Variants in NFATC1 observed in about 807,000 individuals in gnomAD.
NFATC1 encodes nuclear factor of activated T-cells, cytoplasmic 1.
Under a neutral mutation model 76.0 loss-of-function variants are expected in NFATC1, and 22 were observed. The ratio of observed to expected loss-of-function variants is 0.29; its 90% CI spans 0.21 to 0.41. NFATC1 has a LOEUF of 0.41. NFATC1 is among the 10% of genes least tolerant of loss of function. The probability of loss-of-function intolerance (pLI) is 1.00; values close to 1 mark genes in which losing one functional copy is unlikely to be tolerated. For missense variants in NFATC1, 1,357 were observed against 1,337.7 expected (o/e 1.01, Z -0.23); for synonymous variants, 704 against 613.1 (o/e 1.15, Z -2.19).
chr18:79,494,316 G>C (rs796478382), intron 9 of NFATC1, among the ~76,000 whole-genome samples: 3,677 of 102,178 alleles, frequency 0.036, 3 homozygotes, highest in Middle Eastern at 0.06. Context: ...CGCCCCCCAT[G>C]AACCTGGTAC....
intron 2 of NFATC1, among the ~76,000 whole-genome samples, chr18:79,414,427 C>T (rs58936612): frequency 0.011 from 1,675 of 152,260 alleles, 32 homozygotes; most frequent in African/African-American, 0.038. Context: ...TCCCAGGGAC[C>T]GTCTAGGATT....
Position 79,418,104 on chromosome 18 carries a change from C to G in NFATC1, c.1226+6603C>G, listed in dbSNP as rs527374687. Among the ~76,000 whole-genome samples the G allele has an allele frequency of 2.0e-5, 3 of 152,276 alleles. No homozygotes were observed. The East Asian group carries it at 5.8e-4, about 29-fold the overall frequency. ...TGGGGTGGGTGGAGCCCCCAGCACC[C>G]TGCCTTCTTCCTCCCCTTCCTGTGG... On this transcript the variant is annotated intron_variant, in intron 2 of 9. Coordinates refer to ENST00000427363, the MANE Select transcript of NFATC1 (RefSeq NM_001278669.2).
intron 2 of NFATC1, among the ~76,000 whole-genome samples, chr18:79,412,230 C>G (rs1404753957): frequency 2.6e-5 from 4 of 152,234 alleles, no homozygotes; most frequent in African/African-American, 9.6e-5. Flanking sequence ...TCTAACGAAA[C>G]AGCTTTCCCA....
chr18:79,410,224 G>A lies in NFATC1; in HGVS notation c.128-179G>A. On this transcript the variant is annotated intron_variant, in intron 1 of 9. Coordinates refer to ENST00000427363, the MANE Select transcript of NFATC1 (RefSeq NM_001278669.2). The surrounding 1 kb of genome is among the most constrained non-coding windows in gnomAD (Gnocchi z 6.7). ...GCCTTGTTGGCCAGGTGGGACTGGG[G>A]CTGTCACTCCAAGTCGCCCGGAGCT... The A allele has an allele frequency of 1.0e-6, 1 of 986,042 alleles. No individual in the cohort carries two copies. Among genetic ancestry groups the A allele is most frequent in the Non-Finnish European group, 1.5e-6 (1 of 648,820 alleles). 61.1% of individuals were successfully genotyped at this position (986,042 alleles called of 1,614,324 possible).
chr18:79,460,452 C>T (rs1385227791), intron 6 of NFATC1, among the ~76,000 whole-genome samples: 1 of 152,232 alleles, frequency 6.6e-6, no homozygotes, highest in Non-Finnish European at 1.5e-5. Flanking sequence ...AGGCCGTGCA[C>T]ACACCCAGGC....
intron 1 of NFATC1, among the ~76,000 whole-genome samples, chr18:79,398,582 G>C (rs536038755): frequency 6.6e-6 from 1 of 152,160 alleles, no homozygotes; most frequent in African/African-American, 2.4e-5. Context: ...CCGCCCCACC[G>C]ACCCCTTCTC....
At chr18:79,451,576 C>T in intron 5 of NFATC1, 100 bp from the exon 6 acceptor site, 3 of 1,332,152 alleles carry the variant, frequency 2.3e-6, no homozygotes, top group Non-Finnish European at 2.9e-6. Flanking sequence ...GGTGCTTGCT[C>T]TGGGTGGGTC....
intron 1 of NFATC1, among the ~76,000 whole-genome samples, chr18:79,399,232 G>A (rs1241827137): frequency 1.3e-5 from 2 of 152,236 alleles, no homozygotes; most frequent in Non-Finnish European, 2.9e-5. Flanking sequence ...ACTAAATCAG[G>A]CCACACGGAA....
At chr18:79,526,087 C>T (rs1400435933) in intron 9 of NFATC1, among the ~76,000 whole-genome samples, 1 of 152,250 alleles carries the variant, frequency 6.6e-6, no homozygotes, top group Admixed American at 6.5e-5. Context: ...CCGTCTTTCT[C>T]TCTGCGTTGT....
Position 79,430,261 on chromosome 18 carries a change from G to A in NFATC1, c.1227-3318G>A, listed in dbSNP as rs533909040. On this transcript the variant is annotated intron_variant, in intron 2 of 9. Coordinates refer to ENST00000427363, the MANE Select transcript of NFATC1 (RefSeq NM_001278669.2). ...TGTGTCTGCCTTTAACCAGACCAGC[G>A]GTGGGGGGAGGCGGCTTTTCTTTTC... 7.9e-5 allele frequency among the ~76,000 whole-genome samples: 12 copies of A among 152,322 alleles called. No individual in the cohort carries two copies. The South Asian group carries it at 1.5e-3, about 18-fold the overall frequency.
At chr18:79,439,563 C>T (rs2086899012) in intron 3 of NFATC1, among the ~76,000 whole-genome samples, 1 of 152,252 alleles carries the variant, frequency 6.6e-6, no homozygotes, top group African/African-American at 2.4e-5. Flanking sequence ...ATGACCGTCA[C>T]TTCCCTGGAC....
At chr18:79,510,809 G>A (rs551029129) in intron 9 of NFATC1, among the ~76,000 whole-genome samples, 2 of 151,718 alleles carry the variant, frequency 1.3e-5, no homozygotes, top group East Asian at 3.9e-4. Flanking sequence ...TCCCCTCCAC[G>A]GGGCTCCTCT....
At chr18:79,458,831 A>G (rs897625373) in intron 6 of NFATC1, among the ~76,000 whole-genome samples, 3 of 152,234 alleles carry the variant, frequency 2.0e-5, no homozygotes, top group Non-Finnish European at 4.4e-5. Context: ...CTTTCCTGAG[A>G]TGCGAGGTTA....
At chr18:79,497,222 C>G (rs955754077) in intron 9 of NFATC1, 1 of 152,186 alleles carries the variant, frequency 6.6e-6, no homozygotes, top group Non-Finnish European at 1.5e-5. Flanking sequence ...CAGCTCTCCC[C>G]CAAAGCAACA....
intron 9 of NFATC1, among the ~76,000 whole-genome samples, chr18:79,494,190 GA>G (rs1444066699): frequency 6.6e-6 from 1 of 151,790 alleles, no homozygotes. Flanking sequence ...GGGACAGTGA[GA>G]AAGGCGAGAG....
chr18:79,524,930 C>G lies in NFATC1; in HGVS notation c.2783-2598C>G, dbSNP rs3894049. On this transcript the variant is annotated intron_variant, in intron 9 of 9. Transcript: ENST00000427363. The surrounding 1 kb of genome is among the most constrained non-coding windows in gnomAD (Gnocchi z 7.2). The stretch of plus-strand genomic sequence containing the variant: ...ATGCAGGCGGCCTGTCCCACGAACA[C>G]GATGGAGACCTCAGACGCCGTCCCC... Among the ~76,000 whole-genome samples, 74,932 of 151,550 alleles carry G rather than the reference C, an allele frequency of 0.49. 19,137 individuals carry two copies. The highest frequency in any genetic ancestry group is 0.54 in the African/African-American group (22,317 of 41,218).
At chr18:79,469,788 C>G in intron 8 of NFATC1, 1 of 985,444 alleles carries the variant, frequency 1.0e-6, no homozygotes, top group South Asian at 4.7e-5. Flanking sequence ...GTGACCATCC[C>G]AGGTCCCCAC....
At chr18:79,408,713 A>G (rs932532326) in intron 1 of NFATC1, among the ~76,000 whole-genome samples, 1 of 152,232 alleles carries the variant, frequency 6.6e-6, no homozygotes, top group Non-Finnish European at 1.5e-5. Flanking sequence ...TCTAAAACAC[A>G]TCCACCATCC....
At chr18:79,423,022 G>T (rs549024316) in intron 2 of NFATC1, among the ~76,000 whole-genome samples, 1 of 151,792 alleles carries the variant, frequency 6.6e-6, no homozygotes, top group Admixed American at 6.6e-5. Context: ...AGTGTTGGGG[G>T]CTGCTGGGCC....
Sources: gnomAD v4.1 joint callset for allele counts (sites outside exome capture counted in the v4.1 genomes callset) on GRCh38, gnomAD v4.1.1 for gene constraint, Gnocchi (gnomAD v3.1) non-coding constraint, MANE v1.5 for transcripts, NCBI Gene and HGNC (gene_info 2026-07-23, HGNC 2026-07-21) for gene names.